Variants in DHX30 observed in about 807,000 individuals in gnomAD.
The protein encoded by DHX30 is ATP-dependent RNA helicase DHX30.
Under a neutral mutation model 116.9 loss-of-function variants are expected in DHX30, and 4 were observed. That is an observed-to-expected ratio of 0.03 (90% CI 0.02 to 0.08). The LOEUF is 0.08. Ranked by LOEUF, DHX30 falls within the 10% of genes least tolerant of loss-of-function variation. The probability of loss-of-function intolerance (pLI) is 1.00; values close to 1 mark genes in which losing one functional copy is unlikely to be tolerated. For missense variants in DHX30, 871 were observed against 1,595.1 expected, an observed-to-expected ratio of 0.55 and a Z score of 7.73; for synonymous variants, 697 against 651.7, an observed-to-expected ratio of 1.07 and a Z score of -1.06.
intron 7 of DHX30, 66 bp from the exon 8 acceptor site, chr3:47,841,551 G>T: frequency 6.2e-7 from 1 of 1,608,040 alleles, no homozygotes; most frequent in East Asian, 2.2e-5. Context: ...CCCCTACATC[G>T]CAGAGCCTCA....
At chr3:47,820,858 A>G (rs575982723) in intron 4 of DHX30, among the ~76,000 whole-genome samples, 2 of 151,590 alleles carry the variant, frequency 1.3e-5, no homozygotes, top group South Asian at 2.1e-4. Context: ...GAATACGGAG[A>G]AGGCTTAATG....
intron 8 of DHX30, 137 bp from the exon 9 acceptor site, chr3:47,842,969 C>T: frequency 2.7e-6 from 3 of 1,125,490 alleles, no homozygotes; most frequent in Non-Finnish European, 3.8e-6. Flanking sequence ...GCAGCAGCAC[C>T]TCTAGCATGG....
At chr3:47,840,521 A>C (rs1166342330) in intron 6 of DHX30, among the ~76,000 whole-genome samples, 1 of 151,756 alleles carries the variant, frequency 6.6e-6, no homozygotes, top group Non-Finnish European at 1.5e-5. Context: ...CTTTAGTCCC[A>C]GTTACTTTGG....
At chr3:47,823,996 CTT>C (rs759550719) in intron 4 of DHX30, among the ~76,000 whole-genome samples, 1,227 of 100,266 alleles carry the variant, frequency 0.012, 7 homozygotes, top group African/African-American at 0.045. Flanking sequence ...TTTTCTTTTC[CTT>C]TTTTTTTTTT....
intron 5 of DHX30, among the ~76,000 whole-genome samples, 196 bp downstream of exon 5, chr3:47,827,673 CAG>C (rs374175381): frequency 1.3e-4 from 20 of 152,240 alleles, no homozygotes; most frequent in African/African-American, 4.8e-4. Context: ...AAGAGGAACA[CAG>C]GGCAAATGAG....
intron 6 of DHX30, among the ~76,000 whole-genome samples, chr3:47,830,120 A>G (rs757590958): frequency 1.1e-4 from 16 of 148,840 alleles, no homozygotes; most frequent in Middle Eastern, 3.4e-3. Flanking sequence ...ATGAGCCACC[A>G]TGCCTGGCCA....
chr3:47,829,817 T>A (rs1441548093), intron 6 of DHX30, among the ~76,000 whole-genome samples: 1 of 152,050 alleles, frequency 6.6e-6, no homozygotes, highest in Admixed American at 6.6e-5. Flanking sequence ...TGTAGTCCTG[T>A]CTTACTTTTT....
At chr3:47,834,751 C>CA (rs2037028160) in intron 6 of DHX30, among the ~76,000 whole-genome samples, 1 of 151,996 alleles carries the variant, frequency 6.6e-6, no homozygotes, top group South Asian at 2.1e-4. Flanking sequence ...TGAGCCACTG[C>CA]ACCTGGCCAG....
chr3:47,846,182 A>G lies in DHX30; in HGVS notation c.1110A>G (p.Ser370=). Reference sequence around the variant, plus strand: ...CCCTCCAGTACCCTGTGGAGAGTTCATGGATCGCCCCAGAACTCCGGCTGC... The same window carrying G: ...CCCTCCAGTACCCTGTGGAGAGTTCGTGGATCGCCCCAGAACTCCGGCTGC... ...TFLNHYPVES[S]WIAPELRLQS... The change falls in exon 11 of 22, where the codon TCA becomes TCG. Residue 370 remains serine (S), a synonymous_variant. Coordinates refer to ENST00000445061, the MANE Select transcript of DHX30 (RefSeq NM_138615.3). 6.2e-7 allele frequency: 1 copy of G among 1,613,324 alleles called. No homozygotes were observed. Among genetic ancestry groups the G allele is most frequent in the Non-Finnish European group, 8.5e-7 (1 of 1,179,896 alleles).
intron 1 of DHX30, among the ~76,000 whole-genome samples, chr3:47,803,950 A>G (rs2035410627): frequency 6.6e-6 from 1 of 152,160 alleles, no homozygotes; most frequent in African/African-American, 2.4e-5. Flanking sequence ...CCACTCCATG[A>G]GGGTTTGCCA....
intron 6 of DHX30, among the ~76,000 whole-genome samples, chr3:47,838,728 TAC>T (rs1361297682): frequency 6.6e-6 from 1 of 152,184 alleles, no homozygotes; most frequent in East Asian, 1.9e-4. Flanking sequence ...TTGTCGCCTT[TAC>T]CACTCCCAGT....
intron 4 of DHX30, chr3:47,825,139 G>A: frequency 1.5e-6 from 1 of 673,878 alleles, no homozygotes. Flanking sequence ...TCGCTCGCGC[G>A]GCTTCTCTTC....
chr3:47,803,670 C>T (rs1302848162), intron 1 of DHX30, among the ~76,000 whole-genome samples: 1 of 152,366 alleles, frequency 6.6e-6, no homozygotes, highest in East Asian at 1.9e-4. Flanking sequence ...GGCCCGGTGC[C>T]TTCTGGCCCC....
At chr3:47,813,268 A>T (rs1235401579) in intron 3 of DHX30, among the ~76,000 whole-genome samples, 1 of 152,088 alleles carries the variant, frequency 6.6e-6, no homozygotes, top group East Asian at 1.9e-4. Flanking sequence ...GTGTGAACCC[A>T]GGGGGCGGAG....
At position 47,847,145 on chromosome 3, in the gene DHX30, C is replaced by A; in HGVS notation, c.1930-128C>A. Reference sequence around the variant, plus strand: ...TGATAGAAACTGGGGACTAACCCTGCCTGCGTGGCACACGTGAGGATTGGA... The same window carrying A: ...TGATAGAAACTGGGGACTAACCCTGACTGCGTGGCACACGTGAGGATTGGA... On this transcript the variant is annotated intron_variant, in intron 11 of 21. Transcript: ENST00000445061. This position sits in a 1 kb window ranked among gnomAD's most constrained non-coding sequence, Gnocchi z 5.5. 6.8e-7 allele frequency: 1 copy of A among 1,472,468 alleles called. No individual in the cohort carries two copies. 91.2% of individuals were successfully genotyped at this position (1,472,468 alleles called of 1,614,324 possible). A position where few individuals can be genotyped will look rare whatever the true frequency, so the allele number is the denominator to read the frequency against.
intron 2 of DHX30, among the ~76,000 whole-genome samples, chr3:47,808,913 A>C (rs1421398978): frequency 1.4e-5 from 2 of 143,594 alleles, no homozygotes; most frequent in African/African-American, 5.2e-5. Context: ...TTTGAGACAG[A>C]GTCTCACTCT....
rs370934742 is a variant in DHX30 at position 47,818,236 on chromosome 3, G to A, written c.124+119G>A. ...TCCAGAAAGTGAGTGAGGAAGGGTG[G>A]GATTAGCAGAGCTATTGGAGCCCTG... On this transcript the variant is annotated intron_variant, in intron 4 of 21. Transcript: ENST00000445061. 11 of 676,346 alleles carry A rather than the reference G, an allele frequency of 1.6e-5. No homozygotes were observed. In the African/African-American group the frequency reaches 1.8e-4, roughly 11 times the overall value. 41.9% of individuals were successfully genotyped at this position (676,346 alleles called of 1,614,324 possible). A position where few individuals can be genotyped will look rare whatever the true frequency, so the allele number is the denominator to read the frequency against.
At chr3:47,829,315 T>TG (rs869292091) in intron 6 of DHX30, among the ~76,000 whole-genome samples, 181 bp downstream of exon 6, 1 of 32,852 alleles carries the variant, frequency 3.0e-5, no homozygotes, top group African/African-American at 1.3e-4. Flanking sequence ...TATATATATA[T>TG]TTTTTTTTTT....
chr3:47,842,848 G>A (rs1219193501), intron 8 of DHX30, among the ~76,000 whole-genome samples: 1 of 152,228 alleles, frequency 6.6e-6, no homozygotes, highest in African/African-American at 2.4e-5. Context: ...GGCTAGGAGG[G>A]CAGGTGATGG....
Sources: gnomAD v4.1 joint callset for allele counts (sites outside exome capture counted in the v4.1 genomes callset) on GRCh38, gnomAD v4.1.1 for gene constraint, Gnocchi (gnomAD v3.1) non-coding constraint, MANE v1.5 for transcripts, NCBI Gene and HGNC (gene_info 2026-07-23, HGNC 2026-07-21) for gene names.